COX10: variants seen among roughly 807,000 people sequenced by gnomAD.
COX10 encodes protoheme IX farnesyltransferase, mitochondrial.
In COX10, 27 loss-of-function variants were observed where a neutral mutation model predicts 37.3. That is an observed-to-expected ratio of 0.72 (90% CI 0.53 to 1.00). COX10 has a LOEUF of 1.00. Among genes scored for constraint, COX10 ranks in the 50% least tolerant of loss-of-function variants. COX10 has a pLI of 0.00. For missense variants in COX10, 475 were observed against 563.2 expected, an observed-to-expected ratio of 0.84 and a Z score of 1.59; for synonymous variants, 222 against 229.1, an observed-to-expected ratio of 0.97 and a Z score of 0.28.
At chr17:14,084,734 C>T (rs1915371883) in intron 3 of COX10, among the ~76,000 whole-genome samples, 1 of 152,134 alleles carries the variant, frequency 6.6e-6, no homozygotes, top group Admixed American at 6.5e-5. Flanking sequence ...GATCTCGGCT[C>T]ACTGCAACCT....
intron 4 of COX10, among the ~76,000 whole-genome samples, chr17:14,116,575 G>C (rs1420792067): frequency 2.0e-5 from 3 of 152,014 alleles, no homozygotes; most frequent in Non-Finnish European, 4.4e-5. Context: ...AGAAATGCTG[G>C]AGTCATCAAT....
At position 14,206,799 on chromosome 17, in the gene COX10, C is replaced by T. The variant is rs765682035; in HGVS notation, c.929-11C>T. 5 of 1,593,074 alleles carry T rather than the reference C, an allele frequency of 3.1e-6. No individual in the cohort carries two copies. In the Admixed American group the frequency reaches 8.7e-5, roughly 28 times the overall value. On this transcript the variant is annotated splice_polypyrimidine_tract_variant and intron_variant, in intron 6 of 6. Coordinates refer to ENST00000261643, the MANE Select transcript of COX10 (RefSeq NM_001303.4). ...CCTTTGTCTCCCTCTCCTTCCCTGACCCCCGCACAGGCGCATTTCTCCTGG... is the reference window on the plus strand; with the variant it reads ...CCTTTGTCTCCCTCTCCTTCCCTGATCCCCGCACAGGCGCATTTCTCCTGG...
intron 5 of COX10, among the ~76,000 whole-genome samples, chr17:14,190,938 C>G (rs1007406888): frequency 6.6e-6 from 1 of 152,102 alleles, no homozygotes; most frequent in African/African-American, 2.4e-5. Context: ...AACCAGAGCA[C>G]TCTAGAAGCT....
intron 3 of COX10, among the ~76,000 whole-genome samples, chr17:14,087,102 G>T (rs1915426215): frequency 6.6e-6 from 1 of 152,140 alleles, no homozygotes; most frequent in Non-Finnish European, 1.5e-5. Context: ...GCTGATGTTT[G>T]TTGAGCATCT....
chr17:14,072,054 G>A (rs1915036956), intron 1 of COX10, among the ~76,000 whole-genome samples: 1 of 152,062 alleles, frequency 6.6e-6, no homozygotes, highest in African/African-American at 2.4e-5. Context: ...TATAATCTTT[G>A]TGTATCTCTA....
chr17:14,117,550 T>C (rs1449119750), intron 4 of COX10, among the ~76,000 whole-genome samples: 1 of 152,176 alleles, frequency 6.6e-6, no homozygotes, highest in Non-Finnish European at 1.5e-5. Flanking sequence ...TTATCCCCCT[T>C]TCAGGGCGTG....
At chr17:14,113,941 G>T (rs575126752) in intron 4 of COX10, among the ~76,000 whole-genome samples, 1 of 152,074 alleles carries the variant, frequency 6.6e-6, no homozygotes, top group Non-Finnish European at 1.5e-5. Flanking sequence ...GAGGCGTTAC[G>T]ACAATGTATA....
chr17:14,076,711 A>G, intron 2 of COX10, 24 bp from the exon 3 acceptor site: 1 of 1,612,922 alleles, frequency 6.2e-7, no homozygotes. Flanking sequence ...TTGGTTTTAT[A>G]GTAATGTGTG....
At chr17:14,193,279 C>G (rs1295240479) in intron 6 of COX10, among the ~76,000 whole-genome samples, 1 of 152,226 alleles carries the variant, frequency 6.6e-6, no homozygotes, top group Non-Finnish European at 1.5e-5. Context: ...TGAACTCAGC[C>G]TCTTTCTGCC....
chr17:14,203,316 C>T (rs768957019), intron 6 of COX10, among the ~76,000 whole-genome samples: 20 of 151,672 alleles, frequency 1.3e-4, no homozygotes, highest in Non-Finnish European at 2.8e-4. Context: ...AAATAGGGAC[C>T]CTAAAATCAG....
intron 3 of COX10, among the ~76,000 whole-genome samples, chr17:14,085,505 G>T (rs560184404): frequency 6.6e-6 from 1 of 152,098 alleles, no homozygotes; most frequent in South Asian, 2.1e-4. Flanking sequence ...TAAAAATAAA[G>T]ATTTGTAATA....
chr17:14,173,663 A>G (rs1347826496), intron 5 of COX10, among the ~76,000 whole-genome samples: 2 of 152,252 alleles, frequency 1.3e-5, no homozygotes, highest in African/African-American at 2.4e-5. Context: ...GGGCTGTTCT[A>G]TAGGAACTGG....
intron 3 of COX10, among the ~76,000 whole-genome samples, chr17:14,084,805 T>C (rs918062315): frequency 1.3e-5 from 2 of 152,088 alleles, no homozygotes; most frequent in Non-Finnish European, 2.9e-5. Context: ...GGATTATAGG[T>C]GCCTGCCACC....
At chr17:14,151,724 A>G (rs1314054880) in intron 4 of COX10, among the ~76,000 whole-genome samples, 5 of 152,314 alleles carry the variant, frequency 3.3e-5, no homozygotes, top group Middle Eastern at 3.4e-3. Flanking sequence ...ATGAGGAAAG[A>G]TTATTCCAAA....
chr17:14,145,768 TG>T (rs1387017149), intron 4 of COX10, among the ~76,000 whole-genome samples: 1 of 152,090 alleles, frequency 6.6e-6, no homozygotes, highest in Non-Finnish European at 1.5e-5. Flanking sequence ...GGATCAATAC[TG>T]GAGGTAGGGG....
chr17:14,179,040 A>G (rs1004497710), intron 5 of COX10, among the ~76,000 whole-genome samples: 2 of 152,028 alleles, frequency 1.3e-5, no homozygotes, highest in African/African-American at 2.4e-5. Flanking sequence ...GCTATAATCT[A>G]CCTCCCCAAC....
At chr17:14,200,619 A>G (rs770224133) in intron 6 of COX10, among the ~76,000 whole-genome samples, 3 of 152,188 alleles carry the variant, frequency 2.0e-5, no homozygotes, top group Non-Finnish European at 4.4e-5. Flanking sequence ...TTTCAGCTCC[A>G]TGCTCTCAGG....
intron 4 of COX10, among the ~76,000 whole-genome samples, chr17:14,110,249 T>C (rs1168525968): frequency 6.6e-6 from 1 of 152,126 alleles, no homozygotes; most frequent in African/African-American, 2.4e-5. Flanking sequence ...GTTATGAATA[T>C]ATGTATATAT....
intron 3 of COX10, among the ~76,000 whole-genome samples, chr17:14,099,031 G>A (rs1915711438): frequency 6.6e-6 from 1 of 152,128 alleles, no homozygotes; most frequent in Non-Finnish European, 1.5e-5. Flanking sequence ...TCCTGAATGT[G>A]TGTGTCTTCA....
Sources: allele counts gnomAD v4.1 joint callset (sites outside exome capture counted in the v4.1 genomes callset), GRCh38; gene constraint gnomAD v4.1.1; transcripts MANE v1.5; gene names NCBI Gene and HGNC (gene_info 2026-07-23, HGNC 2026-07-21).